The following ETS1 variants were observed in gnomAD, a reference collection of about 807,000 sequenced individuals.
The protein encoded by ETS1 is ETS proto-oncogene 1, transcription factor.
ETS1 carries 15 observed loss-of-function variants against 58.6 expected under a neutral mutation model. The ratio of observed to expected loss-of-function variants is 0.26; its 90% CI spans 0.17 to 0.39. ETS1 has a LOEUF of 0.39. Ranked by LOEUF, ETS1 falls within the 10% of genes least tolerant of loss-of-function variation. ETS1 has a pLI of 1.00. For missense variants in ETS1, 417 were observed against 610.5 expected (o/e 0.68, Z 3.34); for synonymous variants, 214 against 218.2 (o/e 0.98, Z 0.17).
chr11:128,495,607 C>T lies in ETS1; in HGVS notation c.215-5031G>A, dbSNP rs935407063. Among the ~76,000 whole-genome samples, 4 of 152,190 alleles carry T rather than the reference C, an allele frequency of 2.6e-5. No individual in the cohort carries two copies. The East Asian group carries it at 5.8e-4, about 22-fold the overall frequency. The stretch of plus-strand genomic sequence containing the variant: ...AGAAGTTTAATTTGTTACATAAAGG[C>T]TTACTGAAATATATTTTTTAAAGTA... On this transcript the variant is annotated intron_variant, in intron 3 of 9. Transcript: ENST00000392668.
chr11:128,518,790 T>C (rs1336265165), intron 3 of ETS1, among the ~76,000 whole-genome samples: 1 of 152,258 alleles, frequency 6.6e-6, no homozygotes, highest in African/African-American at 2.4e-5. Flanking sequence ...AGCTTCTTCC[T>C]ATCTCTAAGT....
At chr11:128,547,647 T>C (rs934761923) in intron 3 of ETS1, among the ~76,000 whole-genome samples, 1 of 152,096 alleles carries the variant, frequency 6.6e-6, no homozygotes, top group African/African-American at 2.4e-5. Flanking sequence ...TTTGGTTTTT[T>C]TTTTTAATCC....
intron 3 of ETS1, among the ~76,000 whole-genome samples, chr11:128,498,788 T>G (rs540631364): frequency 9.8e-5 from 15 of 152,292 alleles, no homozygotes; most frequent in African/African-American, 3.4e-4. Context: ...CTCCATAGGG[T>G]ACATTAAAGA....
At chr11:128,586,560 C>G (rs910625453) in intron 1 of ETS1, among the ~76,000 whole-genome samples, 1 of 152,158 alleles carries the variant, frequency 6.6e-6, no homozygotes, top group Non-Finnish European at 1.5e-5. Flanking sequence ...TGCTGTTTAA[C>G]AAATACTTTT....
rs1861964832 is a variant in ETS1, at chr11:128,463,847, G to A, written c.1124-220C>T. 2 of 354,608 alleles carry A rather than the reference G, an allele frequency of 5.6e-6. No homozygotes were observed. Among genetic ancestry groups the A allele is most frequent in the Non-Finnish European group, 1.0e-5 (2 of 191,926 alleles). The allele number at this position is 354,608 out of a possible 1,614,324, so 22.0% of individuals were successfully genotyped here. On this transcript the variant is annotated intron_variant, in intron 8 of 9. Transcript: ENST00000392668. The surrounding 1 kb of genome is among the most constrained non-coding windows in gnomAD (Gnocchi z 4.1). ...AAAACAAAAGCATGGAAGAAAATGT[G>A]TCAAGTGCTTTATTTTGATTAACTT...
intron 3 of ETS1, among the ~76,000 whole-genome samples, chr11:128,510,876 C>T (rs1863374808): frequency 6.6e-6 from 1 of 152,170 alleles, no homozygotes; most frequent in African/African-American, 2.4e-5. Context: ...GCTCTGCCTC[C>T]CATAATGACC....
rs1282224405 is a variant in ETS1 at position 128,585,006 on chromosome 11, AGAAAG to A, written c.-15+2477_-15+2481del. 6.3e-4 allele frequency among the ~76,000 whole-genome samples: 26 copies of A among 41,286 alleles called. 4 individuals are homozygous for A. The highest frequency in any genetic ancestry group is 3.4e-3 in the African/African-American group (22 of 6,434). 27.1% of individuals were successfully genotyped at this position (41,286 alleles called of 152,430 possible). Reference sequence around the variant, plus strand: ...AGAAAGAAAGGAAGGAAGGAAGGAAAGAAAGGAAAGAAAGAAGAAAGAAAGAAAAG... The same window carrying A: ...AGAAAGAAAGGAAGGAAGGAAGGAAAGAAAGAAAGAAGAAAGAAAGAAAAG... On this transcript the variant is annotated intron_variant, in intron 1 of 9. Coordinates refer to ENST00000392668, the MANE Select transcript of ETS1 (RefSeq NM_001143820.2).
At position 128,549,161 on chromosome 11, in the gene ETS1, T is replaced by G. The variant is rs910193590; in HGVS notation, c.214+7130A>C. On this transcript the variant is annotated intron_variant, in intron 3 of 9. Transcript: ENST00000392668. The surrounding 1 kb of genome is among the most constrained non-coding windows in gnomAD (Gnocchi z 4.3). Reference sequence around the variant, plus strand: ...CCTGCCTCGGCAGCTATAAACACAGTGAACATCTGGAGAGAGAGCCCGTGT... The same window carrying G: ...CCTGCCTCGGCAGCTATAAACACAGGGAACATCTGGAGAGAGAGCCCGTGT... Among the ~76,000 whole-genome samples, 1 of 152,096 alleles carries G rather than the reference T, an allele frequency of 6.6e-6. No homozygotes were observed. The highest frequency in any genetic ancestry group is 2.4e-5 in the African/African-American group (1 of 41,416).
At chr11:128,547,604 T>C (rs1319782328) in intron 3 of ETS1, among the ~76,000 whole-genome samples, 1 of 152,078 alleles carries the variant, frequency 6.6e-6, no homozygotes, top group Non-Finnish European at 1.5e-5. Flanking sequence ...AAAAGACTGA[T>C]GACACAACTT....
chr11:128,499,202 A>C (rs1319247628), intron 3 of ETS1, among the ~76,000 whole-genome samples: 1 of 152,226 alleles, frequency 6.6e-6, no homozygotes, highest in African/African-American at 2.4e-5. Context: ...TGACAACTAC[A>C]TCTTGCTATA....
chr11:128,515,800 G>T (rs1375038118), intron 3 of ETS1, among the ~76,000 whole-genome samples: 1 of 152,054 alleles, frequency 6.6e-6, no homozygotes, highest in Non-Finnish European at 1.5e-5. Context: ...CACTATCTGG[G>T]TCAATATTCC....
intron 1 of ETS1, among the ~76,000 whole-genome samples, chr11:128,581,555 C>T (rs1279464578): frequency 6.6e-6 from 1 of 151,922 alleles, no homozygotes; most frequent in Admixed American, 6.6e-5. Flanking sequence ...TACTTCGAAC[C>T]TCAAAACAAA....
At chr11:128,533,140 C>A (rs1863924627) in intron 3 of ETS1, among the ~76,000 whole-genome samples, 2 of 152,168 alleles carry the variant, frequency 1.3e-5, no homozygotes, top group Admixed American at 1.3e-4. Context: ...AAAGCCCAGA[C>A]GCTAGTCACC....
Position 128,556,334 on chromosome 11 carries a change from C to T in ETS1, c.171G>A (p.Met57Ile). ...GACCAGTAGGAACTTCCTGAGTTGC[C>T]ATCTCATCCCAAAAGGGGTAGCAAG... is the stretch of plus-strand genomic sequence containing the variant. ...QRPCYPFWDE[M>I]ATQEVPTGLE... The change falls in exon 3 of 10, where the codon ATG (methionine) becomes ATA (isoleucine). Residue 57 changes from methionine to isoleucine, a missense_variant. Around this residue, in one of 4 missense-constraint regions of ETS1, gnomAD observed 90 missense variants for 90.3 expected, o/e 1.00. Coordinates refer to ENST00000392668, the MANE Select transcript of ETS1 (RefSeq NM_001143820.2). The T allele has an allele frequency of 6.2e-7, 1 of 1,613,528 alleles. No homozygotes were observed. Among genetic ancestry groups the T allele is most frequent in the African/African-American group, 1.3e-5 (1 of 75,018 alleles).
rs150271943 is a variant in ETS1 at position 128,536,217 on chromosome 11, A to G, written c.214+20074T>C. ...CTCCTCCAGATGCAGCTTGGCATGT[A>G]TACATGTATACAAAGCAGCCATTGA... On this transcript the variant is annotated intron_variant, in intron 3 of 9. Coordinates refer to ENST00000392668, the MANE Select transcript of ETS1 (RefSeq NM_001143820.2). Among the ~76,000 whole-genome samples the G allele has an allele frequency of 2.5e-3, 385 of 152,362 alleles. 1 individual carries two copies. The highest frequency in any genetic ancestry group is 8.4e-3 in the African/African-American group (350 of 41,592).
chr11:128,498,777 C>T (rs761376237), intron 3 of ETS1, among the ~76,000 whole-genome samples: 20 of 152,196 alleles, frequency 1.3e-4, no homozygotes, highest in Non-Finnish European at 4.4e-5. Flanking sequence ...GCAAGGACCA[C>T]CTCCATAGGG....
At chr11:128,533,667 A>G (rs1863932594) in intron 3 of ETS1, among the ~76,000 whole-genome samples, 2 of 152,150 alleles carry the variant, frequency 1.3e-5, no homozygotes, top group Non-Finnish European at 1.5e-5. Context: ...TCAGCAGTAA[A>G]TCACCTCCCC....
At chr11:128,524,867 T>C (rs370075514) in intron 3 of ETS1, among the ~76,000 whole-genome samples, 1 of 152,112 alleles carries the variant, frequency 6.6e-6, no homozygotes, top group African/African-American at 2.4e-5. Flanking sequence ...TGTGCCCTTT[T>C]CCCTTCATAG....
chr11:128,495,023 G>T (rs1193681471), intron 3 of ETS1, among the ~76,000 whole-genome samples: 2 of 152,164 alleles, frequency 1.3e-5, no homozygotes, highest in Non-Finnish European at 2.9e-5. Flanking sequence ...TTATACCTGA[G>T]AAATGCTTTA....
Sources: allele counts gnomAD v4.1 joint callset (sites outside exome capture counted in the v4.1 genomes callset), GRCh38; gene constraint gnomAD v4.1.1; regional missense constraint gnomAD v4.1.1; non-coding constraint Gnocchi (gnomAD v3.1); transcripts MANE v1.5; gene names NCBI Gene and HGNC (gene_info 2026-07-23, HGNC 2026-07-21).